FRS3: variants seen among roughly 807,000 people sequenced by gnomAD.
FRS3 encodes FGFR substrate 3.
In FRS3, 17 loss-of-function variants were observed where a neutral mutation model predicts 41.9. The observed-to-expected ratio is 0.41, with a 90% CI of 0.28 to 0.61. The LOEUF (loss-of-function observed/expected upper bound fraction) is 0.61, where lower values mean the gene tolerates loss of function less well. Among genes scored for constraint, FRS3 ranks in the 20% least tolerant of loss-of-function variants. The pLI is 0.36. For synonymous variants in FRS3, 287 were observed against 274.5 expected, an observed-to-expected ratio of 1.05 and a Z score of -0.45; for missense variants, 619 against 672.1, an observed-to-expected ratio of 0.92 and a Z score of 0.87.
In FRS3 at chr6:41,770,774, G is replaced by A. The variant is rs773439380; in HGVS notation, c.1324C>T (p.Pro442Ser). 24 of 1,612,848 alleles carry A rather than the reference G, an allele frequency of 1.5e-5. No individual in the cohort carries two copies. Among genetic ancestry groups the A allele is most frequent in the Non-Finnish European group, 7.6e-6 (9 of 1,179,680 alleles). ...GPQNPSSPQA[P>S]MPTTHPARSS... is the part of the protein sequence containing the mutation. ...CGGGCAGGGTGGGTGGTGGGCATGG[G>A]GGCTTGGGGGCTCGAGGGGTTCTGG... Residue 442 changes from proline (P) to serine (S), a missense_variant, in exon 7 of 7, where the codon CCC becomes TCC. Around this residue, in one of 3 missense-constraint regions of FRS3, gnomAD observed 487 missense variants for 478.3 expected, o/e 1.02. Coordinates refer to ENST00000373018, the MANE Select transcript of FRS3 (RefSeq NM_006653.5).
At chr6:41,773,494 T>C (rs1156591286) in intron 4 of FRS3, among the ~76,000 whole-genome samples, 2 of 152,120 alleles carry the variant, frequency 1.3e-5, no homozygotes, top group African/African-American at 4.8e-5. Flanking sequence ...CCACACCACA[T>C]TGAACACTCC....
intron 4 of FRS3, 25 bp downstream of exon 4, chr6:41,775,394 G>A (rs761140709): frequency 1.3e-6 from 2 of 1,584,510 alleles, no homozygotes; most frequent in South Asian, 1.1e-5. Flanking sequence ...CCCTATCCCA[G>A]GGTGGAGCAG....
rs369939197 is a variant in FRS3 at position 41,771,510 on chromosome 6, C to T, written c.588G>A (p.Pro196=). Reference sequence around the variant, plus strand: ...CCCTGCGGTGGTCATCTTCACTGGCCGGTGTGTTGACATAGGTGTGGGACT... The same window carrying T: ...CCCTGCGGTGGTCATCTTCACTGGCTGGTGTGTTGACATAGGTGTGGGACT... The part of the protein sequence containing the change: ...DEQSHTYVNT[P]ASEDDHRRGR... The change falls in exon 7 of 7, where the codon CCG becomes CCA. Residue 196 remains proline, a synonymous_variant. Transcript: ENST00000373018. 59 of 1,549,798 alleles carry T rather than the reference C, an allele frequency of 3.8e-5. No individual in the cohort carries two copies. The highest frequency in any genetic ancestry group is 9.5e-5 in the African/African-American group (7 of 73,356).
rs546813400 is a variant in FRS3, at chr6:41,773,107, T to G, written c.254-148A>C. ...CTCTCCTCATCTTGAGCATTCTTTT[T>G]CTTTTCTTTTTTGAGATGGAGTTTT... On this transcript the variant is annotated intron_variant, in intron 4 of 6. Coordinates refer to ENST00000373018, the MANE Select transcript of FRS3 (RefSeq NM_006653.5). 26 of 629,996 alleles carry G rather than the reference T, an allele frequency of 4.1e-5. No homozygotes were observed. The African/African-American group carries it at 4.8e-4, about 12-fold the overall frequency. 39.0% of individuals were successfully genotyped at this position (629,996 alleles called of 1,614,324 possible). A position where few individuals can be genotyped will look rare whatever the true frequency, so the allele number is the denominator to read the frequency against.
intron 2 of FRS3, chr6:41,777,496 C>A (rs1010774647): frequency 6.5e-6 from 1 of 154,874 alleles, no homozygotes; most frequent in African/African-American, 2.4e-5. Flanking sequence ...TCATCCATTC[C>A]ACTTCATCCA....
intron 4 of FRS3, among the ~76,000 whole-genome samples, chr6:41,774,905 C>T (rs917287133): frequency 2.0e-5 from 3 of 152,262 alleles, no homozygotes; most frequent in Non-Finnish European, 2.9e-5. Context: ...AGGGGTAGCC[C>T]CTCTGGGAAC....
chr6:41,773,794 C>T (rs1772355980), intron 4 of FRS3, among the ~76,000 whole-genome samples: 1 of 151,288 alleles, frequency 6.6e-6, no homozygotes, highest in South Asian at 2.1e-4. Flanking sequence ...ATTGCTTGAA[C>T]CTCGGAGGTG....
chr6:41,770,949 G>A lies in FRS3; in HGVS notation c.1149C>T (p.His383=), dbSNP rs1034548855. Residue 383 remains histidine (H), a synonymous_variant, in exon 7 of 7, where the codon CAC becomes CAT. Transcript: ENST00000373018. The part of the protein sequence containing the change: ...PTSTRAAIRS[H]GSFPVPLTRR... ...GGGTCAGTGGCACAGGAAAGCTGCCGTGGCTGCGGATGGCGGCCCGGGTGC... is the reference window on the plus strand; with the variant it reads ...GGGTCAGTGGCACAGGAAAGCTGCCATGGCTGCGGATGGCGGCCCGGGTGC... 7 of 1,612,736 alleles carry A rather than the reference G, an allele frequency of 4.3e-6. No individual in the cohort carries two copies. Among genetic ancestry groups the A allele is most frequent in the East Asian group, 4.5e-5 (2 of 44,876 alleles).
intron 5 of FRS3, among the ~76,000 whole-genome samples, 175 bp downstream of exon 5, chr6:41,772,623 C>G (rs191066470): frequency 1.8e-3 from 267 of 152,296 alleles, no homozygotes; most frequent in African/African-American, 6.2e-3. Flanking sequence ...CCTAGCCCAG[C>G]CCAGGACTTA....
At chr6:41,779,589 G>A (rs1772486776) in intron 1 of FRS3, among the ~76,000 whole-genome samples, 1 of 151,936 alleles carries the variant, frequency 6.6e-6, no homozygotes, top group Admixed American at 6.5e-5. Context: ...AGAGGCTGCA[G>A]GACAGGCTAC....
chr6:41,771,338 C>A lies in FRS3; in HGVS notation c.760G>T (p.Val254Leu). ...LGPTPARRHM[V>L]KCQGLCPSLH... ...CTGGGACAGAGGCCCTGGCACTTCACCATGTGCCGCCGAGCAGGGGTCGGG... is the reference window on the plus strand; with the variant it reads ...CTGGGACAGAGGCCCTGGCACTTCAACATGTGCCGCCGAGCAGGGGTCGGG... Residue 254 changes from valine (V) to leucine (L), a missense_variant, in exon 7 of 7, where the codon GTG becomes TTG. Val to Leu is a conservative substitution (Grantham distance 32). Around this residue, in one of 3 missense-constraint regions of FRS3, gnomAD observed 487 missense variants for 478.3 expected, o/e 1.02. Transcript: ENST00000373018. 1 of 1,613,524 alleles carries A rather than the reference C, an allele frequency of 6.2e-7. No homozygotes were observed. The highest frequency in any genetic ancestry group is 8.5e-7 in the Non-Finnish European group (1 of 1,179,740).
chr6:41,770,694 G>A lies in FRS3; in HGVS notation c.1404C>T (p.Asn468=), dbSNP rs1772262780. The A allele has an allele frequency of 6.2e-7, 1 of 1,614,002 alleles. No individual in the cohort carries two copies. Among genetic ancestry groups the A allele is most frequent in the South Asian group, 1.1e-5 (1 of 91,090 alleles). Residue 468 remains asparagine, a synonymous_variant, in exon 7 of 7, where the codon AAC becomes AAT. Transcript: ENST00000373018. ...IDLKKTVAMS[N]LQRALPRDDG... ...CGTCTCGGGGCAGAGCTCTCTGCAGGTTGGACATGGCCACGGTCTTTTTGA... is the reference window on the plus strand; with the variant it reads ...CGTCTCGGGGCAGAGCTCTCTGCAGATTGGACATGGCCACGGTCTTTTTGA...
At chr6:41,771,637 G>T in intron 6 of FRS3, 104 bp from the exon 7 acceptor site, 1 of 1,208,670 alleles carries the variant, frequency 8.3e-7, no homozygotes, top group Non-Finnish European at 1.2e-6. Flanking sequence ...AAGACCTGGA[G>T]TTTCTTCTTC....
chr6:41,774,514 T>C (rs1305485464), intron 4 of FRS3, among the ~76,000 whole-genome samples: 4 of 152,264 alleles, frequency 2.6e-5, no homozygotes, highest in Middle Eastern at 3.4e-3. Context: ...AAGGCAAACA[T>C]GGCAAGGCAA....
At chr6:41,774,123 G>A (rs1772364192) in intron 4 of FRS3, among the ~76,000 whole-genome samples, 1 of 151,928 alleles carries the variant, frequency 6.6e-6, no homozygotes, top group African/African-American at 2.4e-5. Context: ...CTAGTTTTTT[G>A]TATTTTTAGT....
At chr6:41,772,744 G>T in intron 5 of FRS3, 54 bp downstream of exon 5, 1 of 1,504,518 alleles carries the variant, frequency 6.6e-7, no homozygotes, top group Non-Finnish European at 8.9e-7. Context: ...TGCTTCCTGG[G>T]CGTGTGTGTG....
intron 4 of FRS3, among the ~76,000 whole-genome samples, chr6:41,774,779 T>G (rs1400465658): frequency 1.3e-5 from 2 of 152,178 alleles, no homozygotes; most frequent in Non-Finnish European, 2.9e-5. Flanking sequence ...AACTATGGTT[T>G]GCACAAATAG....
At chr6:41,772,189 CACT>C (rs1456081261) in intron 5 of FRS3, among the ~76,000 whole-genome samples, 1 of 152,198 alleles carries the variant, frequency 6.6e-6, no homozygotes, top group Non-Finnish European at 1.5e-5. Flanking sequence ...AGCACCTCAC[CACT>C]GTCTCCATTA....
Position 41,771,868 on chromosome 6 carries a change from T to G in FRS3, c.512A>C (p.His171Pro), listed in dbSNP as rs940200018. ...PRRLSTSSLR[H>P]PSLGEESTHA... ...GGTGGACTCTTCCCCAAGCGAGGGGTGCCGCAGGCTGCTTGTCGAGAGCCG... is the reference window on the plus strand; with the variant it reads ...GGTGGACTCTTCCCCAAGCGAGGGGGGCCGCAGGCTGCTTGTCGAGAGCCG... The change falls in exon 6 of 7, where the codon CAC becomes CCC. Residue 171 changes from histidine (H) to proline (P), a missense_variant. Around this residue, in one of 3 missense-constraint regions of FRS3, gnomAD observed 487 missense variants for 478.3 expected, o/e 1.02. Transcript: ENST00000373018. 3.9e-6 allele frequency: 6 copies of G among 1,552,936 alleles called. No homozygotes were observed. The East Asian group carries it at 9.7e-5, about 25-fold the overall frequency.
Sources: allele counts gnomAD v4.1 joint callset (sites outside exome capture counted in the v4.1 genomes callset), GRCh38; gene constraint gnomAD v4.1.1; regional missense constraint gnomAD v4.1.1; transcripts MANE v1.5; gene names NCBI Gene and HGNC (gene_info 2026-07-23, HGNC 2026-07-21).